Variants in EDIL3 observed in about 807,000 individuals in gnomAD.
EDIL3 encodes EGF-like repeat and discoidin I-like domain-containing protein 3.
A neutral mutation model predicts 67.4 loss-of-function variants in EDIL3; 37 were observed. That is an observed-to-expected ratio of 0.55 (90% CI 0.42 to 0.72). The LOEUF (loss-of-function observed/expected upper bound fraction) is 0.72, where lower values mean the gene tolerates loss of function less well. Ranked by LOEUF, EDIL3 falls within the 30% of genes least tolerant of loss-of-function variation. The pLI is 0.00. For synonymous variants in EDIL3, 195 were observed against 196.3 expected, an observed-to-expected ratio of 0.99 and a Z score of 0.05; for missense variants, 527 against 586.3, an observed-to-expected ratio of 0.90 and a Z score of 1.04.
At position 84,122,504 on chromosome 5, in the gene EDIL3, C is replaced by A. The variant is rs144464838; in HGVS notation, c.469+14737G>T. ...TTAGGTATATCTCCTAATGCTATCC[C>A]TCATGGAGAGTATCTTTATTTCCAA... On this transcript the variant is annotated intron_variant, in intron 5 of 10. Coordinates refer to ENST00000296591, the MANE Select transcript of EDIL3 (RefSeq NM_005711.5). 1.1e-3 allele frequency among the ~76,000 whole-genome samples: 173 copies of A among 152,010 alleles called. 1 individual carries two copies. The highest frequency in any genetic ancestry group is 3.8e-3 in the African/African-American group (159 of 41,500).
At chr5:84,192,747 G>T (rs1356156354) in intron 3 of EDIL3, among the ~76,000 whole-genome samples, 1 of 151,970 alleles carries the variant, frequency 6.6e-6, no homozygotes, top group East Asian at 1.9e-4. Context: ...CTTGTGAAAC[G>T]TCAGTAAACG....
At chr5:84,134,244 G>A (rs1357569781) in intron 5 of EDIL3, among the ~76,000 whole-genome samples, 1 of 152,018 alleles carries the variant, frequency 6.6e-6, no homozygotes, top group Non-Finnish European at 1.5e-5. Context: ...GCTTTTAATT[G>A]TTTAACTTAA....
intron 9 of EDIL3, among the ~76,000 whole-genome samples, chr5:84,056,479 AT>A (rs1475436136): frequency 2.0e-5 from 3 of 151,874 alleles, no homozygotes; most frequent in Admixed American, 6.6e-5. Context: ...TAATAAAAAA[AT>A]ATAAAGAATG....
chr5:84,084,783 C>T (rs940079042), intron 6 of EDIL3, among the ~76,000 whole-genome samples: 5 of 152,168 alleles, frequency 3.3e-5, no homozygotes, highest in Middle Eastern at 3.4e-3. Flanking sequence ...AACACAAGAA[C>T]ATTATAAATG....
At chr5:84,190,438 C>T (rs984130036) in intron 3 of EDIL3, among the ~76,000 whole-genome samples, 1 of 151,698 alleles carries the variant, frequency 6.6e-6, no homozygotes, top group Non-Finnish European at 1.5e-5. Flanking sequence ...CCTAAGATAT[C>T]ACCCAGGTTT....
rs1744248396 is a variant in EDIL3, at chr5:83,942,816, TAAAAGAA to T, written c.*596_*602del. Reference sequence around the variant, plus strand: ...CAATATTAAGAATGTAGAATAGAACTAAAAGAAAAAGAAGTCACATAATCTCTTATTA... The same window carrying T: ...CAATATTAAGAATGTAGAATAGAACTAAAGAAGTCACATAATCTCTTATTA... On this transcript the variant is annotated 3_prime_UTR_variant, in exon 11 of 11. Coordinates refer to ENST00000296591, the MANE Select transcript of EDIL3 (RefSeq NM_005711.5). 6.6e-6 allele frequency: 1 copy of T among 152,352 alleles called. No individual in the cohort carries two copies. Among genetic ancestry groups the T allele is most frequent in the Admixed American group, 6.5e-5 (1 of 15,272 alleles). 9.4% of individuals were successfully genotyped at this position (152,352 alleles called of 1,614,324 possible).
rs6898076 is a variant in EDIL3 at position 84,247,853 on chromosome 5, T to C, written c.196+6231A>G. Among the ~76,000 whole-genome samples, 494 of 152,098 alleles carry C rather than the reference T, an allele frequency of 3.2e-3. 3 individuals are homozygous for C. Among genetic ancestry groups the C allele is most frequent in the African/African-American group, 0.011 (463 of 41,524 alleles). ...TTACAGAGAAGATAAAAAGAAATTA[T>C]AAATAAAATAATATACAGTACTATT... On this transcript the variant is annotated intron_variant, in intron 2 of 10. Coordinates refer to ENST00000296591, the MANE Select transcript of EDIL3 (RefSeq NM_005711.5).
intron 1 of EDIL3, among the ~76,000 whole-genome samples, chr5:84,347,601 A>G (rs1747261966): frequency 6.6e-6 from 1 of 152,204 alleles, no homozygotes; most frequent in Admixed American, 6.5e-5. Flanking sequence ...TTTTGGAGAA[A>G]AATTCTAGTC....
chr5:83,973,022 A>C (rs533823235), intron 9 of EDIL3, among the ~76,000 whole-genome samples: 3 of 152,218 alleles, frequency 2.0e-5, no homozygotes, highest in East Asian at 3.9e-4. Flanking sequence ...AGCATATTTG[A>C]AGAAAAATAT....
chr5:84,343,776 T>A (rs949618214), intron 1 of EDIL3, among the ~76,000 whole-genome samples: 1 of 152,070 alleles, frequency 6.6e-6, no homozygotes, highest in South Asian at 2.1e-4. Context: ...GCAAAGCCTA[T>A]CCCCTGGCTT....
chr5:84,255,092 G>A (rs1745101933), intron 1 of EDIL3, among the ~76,000 whole-genome samples: 1 of 152,142 alleles, frequency 6.6e-6, no homozygotes, highest in Non-Finnish European at 1.5e-5. Flanking sequence ...ATATGATAAG[G>A]TGCTACAATA....
At chr5:84,209,593 T>A (rs1443583220) in intron 3 of EDIL3, among the ~76,000 whole-genome samples, 1 of 151,800 alleles carries the variant, frequency 6.6e-6, no homozygotes. Flanking sequence ...ACTATGCCTA[T>A]GTAGCTGCTA....
chr5:84,039,545 G>A (rs1445415429), intron 9 of EDIL3, among the ~76,000 whole-genome samples: 1 of 152,094 alleles, frequency 6.6e-6, no homozygotes, highest in African/African-American at 2.4e-5. Flanking sequence ...AATTACAGAT[G>A]AGCAGTCTGC....
At chr5:84,351,137 G>T (rs955274537) in intron 1 of EDIL3, among the ~76,000 whole-genome samples, 2 of 151,834 alleles carry the variant, frequency 1.3e-5, no homozygotes, top group African/African-American at 2.4e-5. Flanking sequence ...AGCTTTTTAG[G>T]GTATTAAAAA....
intron 3 of EDIL3, among the ~76,000 whole-genome samples, chr5:84,208,218 C>G (rs1256236942): frequency 6.6e-6 from 1 of 152,014 alleles, no homozygotes. Flanking sequence ...ACAAACAACC[C>G]CATCAAAAAG....
intron 9 of EDIL3, among the ~76,000 whole-genome samples, chr5:83,994,036 G>A (rs1018455074): frequency 4.6e-5 from 7 of 152,146 alleles, no homozygotes; most frequent in Non-Finnish European, 8.8e-5. Flanking sequence ...GTGCTCTTAA[G>A]GGGAATGTCT....
intron 3 of EDIL3, among the ~76,000 whole-genome samples, chr5:84,186,232 C>T (rs1743442454): frequency 6.6e-6 from 1 of 151,966 alleles, no homozygotes; most frequent in African/African-American, 2.4e-5. Flanking sequence ...GGTCTTGTAA[C>T]ACTATAAGTA....
At chr5:84,126,793 T>C (rs1747877240) in intron 5 of EDIL3, among the ~76,000 whole-genome samples, 1 of 152,088 alleles carries the variant, frequency 6.6e-6, no homozygotes, top group Non-Finnish European at 1.5e-5. Context: ...TTAAAAACCT[T>C]GCATTAAGCA....
intron 9 of EDIL3, among the ~76,000 whole-genome samples, chr5:84,007,599 T>C (rs1745440739): frequency 6.6e-6 from 1 of 152,142 alleles, no homozygotes; most frequent in Non-Finnish European, 1.5e-5. Flanking sequence ...CCAGTTAAAA[T>C]GGCTTTTATC....
Sources: gnomAD v4.1 joint callset for allele counts (sites outside exome capture counted in the v4.1 genomes callset) on GRCh38, gnomAD v4.1.1 for gene constraint, MANE v1.5 for transcripts, NCBI Gene and HGNC (gene_info 2026-07-23, HGNC 2026-07-21) for gene names.